AANAT: variants seen among roughly 807,000 people sequenced by gnomAD.
AANAT encodes the protein aralkylamine N-acetyltransferase.
In AANAT, 11 loss-of-function variants were observed where a neutral mutation model predicts 15.6. The ratio of observed to expected loss-of-function variants is 0.71; its 90% CI spans 0.44 to 1.17. The LOEUF is 1.17. AANAT is among the 50% of genes most tolerant of loss of function. The pLI is 0.00. For synonymous variants in AANAT, 139 were observed against 131.5 expected, an observed-to-expected ratio of 1.06 and a Z score of -0.39; for missense variants, 286 against 296.3, an observed-to-expected ratio of 0.97 and a Z score of 0.26.
At position 76,461,440 on chromosome 17, in the gene AANAT, G is replaced by T. The variant is rs1019365715; in HGVS notation, c.-455-876G>T. Among the ~76,000 whole-genome samples, 3 of 151,636 alleles carry T rather than the reference G, an allele frequency of 2.0e-5. No homozygotes were observed. In the South Asian group the frequency reaches 6.2e-4, roughly 32 times the overall value. The stretch of plus-strand genomic sequence containing the variant: ...AGCCTGGCCAACATGGTGAAACCCC[G>T]TCTCTATTAAAAATGCAAAATTTGC... On this transcript the variant is annotated intron_variant, in intron 2 of 6. Coordinates refer to the AANAT transcript ENST00000250615.
chr17:76,463,915 A>AT (rs1284233152), upstream of AANAT, among the ~76,000 whole-genome samples: 6 of 152,166 alleles, frequency 3.9e-5, no homozygotes, highest in African/African-American at 1.2e-4. Context: ...ACCACATCTG[A>AT]TTAGGAGTGG....
rs370252656 is a variant in AANAT, at chr17:76,468,956, G to T, written c.163+47G>T. 1.1e-5 allele frequency: 17 copies of T among 1,583,036 alleles called. No homozygotes were observed. In the African/African-American group the frequency reaches 2.0e-4, roughly 19 times the overall value. ...CAGAGGGATGCTCCACTCTGGTCCA[G>T]TTATCCTGTGGGGAGGAGACCCTTA... is the stretch of plus-strand genomic sequence containing the variant. On this transcript the variant is annotated intron_variant, in intron 2 of 3. Coordinates refer to ENST00000392492, the MANE Select transcript of AANAT (RefSeq NM_001088.3).
chr17:76,462,925 A>G (rs1206730398), upstream of AANAT, among the ~76,000 whole-genome samples: 2 of 152,244 alleles, frequency 1.3e-5, no homozygotes, highest in Non-Finnish European at 2.9e-5. Flanking sequence ...TCCCTGGGAC[A>G]TGGCCATGGG....
chr17:76,466,303 T>A, upstream of AANAT: 1 of 1,266,536 alleles, frequency 7.9e-7, no homozygotes, highest in Non-Finnish European at 1.1e-6. Context: ...CTCTGGTCGG[T>A]CCTGAGAGGT....
intron 1 of AANAT, among the ~76,000 whole-genome samples, chr17:76,455,402 G>T (rs1441137177): frequency 6.6e-6 from 1 of 152,198 alleles, no homozygotes; most frequent in Non-Finnish European, 1.5e-5. Context: ...AGTGAGCCTA[G>T]ATCACACCAC....
chr17:76,461,788 G>T (rs1272163759), intron 2 of AANAT, among the ~76,000 whole-genome samples: 1 of 152,054 alleles, frequency 6.6e-6, no homozygotes, highest in Admixed American at 6.6e-5. Context: ...GCAGTCAGAG[G>T]CTGGGGGTGA....
At chr17:76,457,026 A>G (rs188561742) in intron 1 of AANAT, among the ~76,000 whole-genome samples, 1 of 152,178 alleles carries the variant, frequency 6.6e-6, no homozygotes. Context: ...ACGGCGGGAT[A>G]AGGCAGTGCA....
In AANAT at chr17:76,468,838, C is replaced by T. The variant is rs139765369; in HGVS notation, c.92C>T (p.Thr31Ile). Residue 31 changes from threonine to isoleucine, a missense_variant, in exon 2 of 4, where the codon ACA becomes ATA. Transcript: ENST00000392492. ...TCCCCGAGCTGTCAGCGGCGCCACA[C>T]ACTCCCTGCCAGTGAGTTTCGCTGC... Reference protein sequence around the residue: ...PESPSCQRRHTLPASEFRCLT... With the variant: ...PESPSCQRRHILPASEFRCLT... 1.4e-4 allele frequency: 218 copies of T among 1,613,484 alleles called. No individual in the cohort carries two copies. Among genetic ancestry groups the T allele is most frequent in the Non-Finnish European group, 1.6e-4 (190 of 1,180,032 alleles).
At chr17:76,461,243 G>A (rs1386607629) in intron 2 of AANAT, among the ~76,000 whole-genome samples, 4 of 151,914 alleles carry the variant, frequency 2.6e-5, no homozygotes, top group African/African-American at 9.7e-5. Context: ...TGGGTGGCAC[G>A]ATGCCACATT....
intron 2 of AANAT, among the ~76,000 whole-genome samples, chr17:76,459,583 C>A (rs1158486630): frequency 6.6e-6 from 1 of 152,116 alleles, no homozygotes; most frequent in Non-Finnish European, 1.5e-5. Flanking sequence ...GGGGCAGATC[C>A]ATGGAGATGT....
intron 1 of AANAT, among the ~76,000 whole-genome samples, chr17:76,453,953 G>A (rs947523660): frequency 1.3e-5 from 2 of 152,188 alleles, no homozygotes; most frequent in Non-Finnish European, 2.9e-5. Context: ...ATAAAAATAG[G>A]CACACTGATT....
rs963722237 is a variant in AANAT at position 76,469,339 on chromosome 17, G to T, written c.318+12G>T. The T allele has an allele frequency of 6.2e-7, 1 of 1,613,586 alleles. No individual in the cohort carries two copies. Reference sequence around the variant, plus strand: ...AGAGACTCATGCAGGTGAGGACAGGGCTGCGACGCCCAGCTCCAGGGAGGC... The same window carrying T: ...AGAGACTCATGCAGGTGAGGACAGGTCTGCGACGCCCAGCTCCAGGGAGGC... On this transcript the variant is annotated intron_variant, in intron 3 of 3. Coordinates refer to ENST00000392492, the MANE Select transcript of AANAT (RefSeq NM_001088.3). This position sits in a 1 kb window ranked among gnomAD's most constrained non-coding sequence, Gnocchi z 5.2.
chr17:76,455,037 G>A (rs1368448302), intron 1 of AANAT, among the ~76,000 whole-genome samples: 1 of 152,182 alleles, frequency 6.6e-6, no homozygotes, highest in African/African-American at 2.4e-5. Context: ...TGAGGCAGGA[G>A]AATCACTTGA....
intron 2 of AANAT, among the ~76,000 whole-genome samples, chr17:76,459,524 C>T (rs1311278886): frequency 6.6e-6 from 1 of 152,184 alleles, no homozygotes; most frequent in Non-Finnish European, 1.5e-5. Flanking sequence ...TGGGTCTTGG[C>T]CCCTCACTGC....
rs2073466137 is a variant in AANAT at position 76,468,589 on chromosome 17, A to G, written c.-75-83A>G. 3 of 1,262,794 alleles carry G rather than the reference A, an allele frequency of 2.4e-6. No individual in the cohort carries two copies. The South Asian group carries it at 4.6e-5, about 19-fold the overall frequency. The allele number at this position is 1,262,794 out of a possible 1,614,324, so 78.2% of individuals were successfully genotyped here. ...GGCTGTCTCCACCCCAGTTCCTGCT[A>G]CAAAAGAGGCCAGATACATACTCTG... On this transcript the variant is annotated intron_variant, in intron 1 of 3. Coordinates refer to ENST00000392492, the MANE Select transcript of AANAT (RefSeq NM_001088.3).
Position 76,469,986 on chromosome 17 carries a change from TG to T in AANAT, c.*18del. On this transcript the variant is annotated 3_prime_UTR_variant, in exon 4 of 4. Transcript: ENST00000392492. This position sits in a 1 kb window ranked among gnomAD's most constrained non-coding sequence, Gnocchi z 5.2. ...CGGCTGCTGAACTGGGCTGCCCACCTGGCTGCCAACATGATCCCCGTCTCTG... is the reference window on the plus strand; with the variant it reads ...CGGCTGCTGAACTGGGCTGCCCACCTGCTGCCAACATGATCCCCGTCTCTG... 1 of 1,455,200 alleles carries T rather than the reference TG, an allele frequency of 6.9e-7. No individual in the cohort carries two copies. The highest frequency in any genetic ancestry group is 9.1e-7 in the Non-Finnish European group (1 of 1,099,800). 90.1% of individuals were successfully genotyped at this position (1,455,200 alleles called of 1,614,324 possible). A position where few individuals can be genotyped will look rare whatever the true frequency, so the allele number is the denominator to read the frequency against.
At position 76,468,925 on chromosome 17, in the gene AANAT, C is replaced by A. The variant is rs1478242779; in HGVS notation, c.163+16C>A. ...GAGCGTGAAGGTGAGTGGCCCCGCA[C>A]AGGGTCAGAGGGATGCTCCACTCTG... On this transcript the variant is annotated intron_variant, in intron 2 of 3. Coordinates refer to ENST00000392492, the MANE Select transcript of AANAT (RefSeq NM_001088.3). The A allele has an allele frequency of 4.3e-6, 7 of 1,609,686 alleles. No homozygotes were observed. Among genetic ancestry groups the A allele is most frequent in the Non-Finnish European group, 5.1e-6 (6 of 1,177,580 alleles).
chr17:76,467,320 C>T (rs186453709), upstream of AANAT, among the ~76,000 whole-genome samples: 194 of 152,258 alleles, frequency 1.3e-3, no homozygotes, highest in African/African-American at 4.2e-3. Flanking sequence ...TCCAAGACTC[C>T]GAGGGACAGA....
upstream of AANAT, among the ~76,000 whole-genome samples, chr17:76,465,154 G>A (rs1490576237): frequency 2.6e-5 from 4 of 152,002 alleles, no homozygotes; most frequent in Admixed American, 6.6e-5. Context: ...GGTACGACTT[G>A]GGGGGCAAAG....
Sources: gnomAD v4.1 joint callset for allele counts (sites outside exome capture counted in the v4.1 genomes callset) on GRCh38, gnomAD v4.1.1 for gene constraint, Gnocchi (gnomAD v3.1) non-coding constraint, MANE v1.5 for transcripts, NCBI Gene and HGNC (gene_info 2026-07-23, HGNC 2026-07-21) for gene names.